Variants in TBCD observed in about 807,000 individuals in gnomAD.
The protein encoded by TBCD is tubulin-specific chaperone D.
Under a neutral mutation model 169.3 loss-of-function variants are expected in TBCD, and 105 were observed. The observed-to-expected ratio is 0.62, with a 90% CI of 0.53 to 0.73. The LOEUF (loss-of-function observed/expected upper bound fraction) is 0.73, where lower values mean the gene tolerates loss of function less well. Among genes scored for constraint, TBCD ranks in the 30% least tolerant of loss-of-function variants. TBCD has a pLI of 0.00. For missense variants in TBCD, 1,444 were observed against 1,600.1 expected, an observed-to-expected ratio of 0.90 and a Z score of 1.66; for synonymous variants, 700 against 643.9, an observed-to-expected ratio of 1.09 and a Z score of -1.32.
At chr17:82,850,269 T>C (rs1484965091) in intron 13 of TBCD, among the ~76,000 whole-genome samples, 1 of 150,162 alleles carries the variant, frequency 6.7e-6, no homozygotes, top group East Asian at 2.0e-4. Context: ...TGTGTTGTTG[T>C]TGGCTGTGCT....
At chr17:82,826,327 AC>A (rs1473156997) in intron 13 of TBCD, among the ~76,000 whole-genome samples, 2 of 152,140 alleles carry the variant, frequency 1.3e-5, no homozygotes, top group East Asian at 3.8e-4. Flanking sequence ...TACAGAGTTG[AC>A]CAAAACAACA....
At position 82,930,060 on chromosome 17, in the gene TBCD, C is replaced by T. The variant is rs779547702; in HGVS notation, c.2992-462C>T. ...AACACGTAACAGGACGTGAGGTGCC[C>T]TCTGCGCCGTGTGGGCGCGTGCGGG... On this transcript the variant is annotated intron_variant, in intron 32 of 38. Transcript: ENST00000355528. This position sits in a 1 kb window ranked among gnomAD's most constrained non-coding sequence, Gnocchi z 5.2. 7.2e-4 allele frequency: 190 copies of T among 264,032 alleles called. No individual in the cohort carries two copies. The highest frequency in any genetic ancestry group is 7.6e-4 in the Non-Finnish European group (103 of 135,418). 16.4% of individuals were successfully genotyped at this position (264,032 alleles called of 1,614,324 possible).
At chr17:82,858,583 A>C in intron 13 of TBCD, 1 of 985,456 alleles carries the variant, frequency 1.0e-6, no homozygotes. Flanking sequence ...TCTGTTGATG[A>C]CAGTGCTGTG....
chr17:82,918,032 T>C (rs988731678), intron 23 of TBCD, among the ~76,000 whole-genome samples: 19 of 152,258 alleles, frequency 1.2e-4, no homozygotes, highest in African/African-American at 4.3e-4. Flanking sequence ...AAAAATATTC[T>C]TCATTTCGAA....
At chr17:82,757,210 C>A (rs1172419901) in intron 2 of TBCD, among the ~76,000 whole-genome samples, 2 of 152,124 alleles carry the variant, frequency 1.3e-5, no homozygotes, top group Non-Finnish European at 2.9e-5. Context: ...GTTTCCTCGC[C>A]CCCCGTGGTG....
intron 13 of TBCD, among the ~76,000 whole-genome samples, chr17:82,821,679 A>G (rs999441292): frequency 6.6e-6 from 1 of 152,044 alleles, no homozygotes; most frequent in African/African-American, 2.4e-5. Flanking sequence ...ATAAAGTGTA[A>G]TGGTCTGGTG....
Position 82,914,702 on chromosome 17 carries a change from C to T in TBCD, c.2038+2913C>T, listed in dbSNP as rs114977067. Among the ~76,000 whole-genome samples the T allele has an allele frequency of 7.9e-3, 1,206 of 152,240 alleles. 15 individuals carry two copies. The highest frequency in any genetic ancestry group is 0.028 in the African/African-American group (1,151 of 41,482). On this transcript the variant is annotated intron_variant, in intron 23 of 38. Coordinates refer to ENST00000355528, the MANE Select transcript of TBCD (RefSeq NM_005993.5). The stretch of plus-strand genomic sequence containing the variant: ...CGGCGCCGGCCCTCCTTGTGCAGCT[C>T]CTTCCCCTCCATGGCCTTTGCTGGC...
rs1481053701 is a variant in TBCD, at chr17:82,929,160, T to C, written c.2741T>C (p.Ile914Thr). 2 of 1,613,464 alleles carry C rather than the reference T, an allele frequency of 1.2e-6. No homozygotes were observed. Among genetic ancestry groups the C allele is most frequent in the Non-Finnish European group, 1.7e-6 (2 of 1,179,886 alleles). ...GTGGCCCAGCAGGCCAGTGAGAAGATTGACCGTTTCCGTGCTCACGCCGCC... is the reference window on the plus strand; with the variant it reads ...GTGGCCCAGCAGGCCAGTGAGAAGACTGACCGTTTCCGTGCTCACGCCGCC... ...CCVAQQASEK[I>T]DRFRAHAASV... The change falls in exon 31 of 39, where the codon ATT (isoleucine) becomes ACT (threonine). Residue 914 changes from isoleucine (I) to threonine (T), a missense_variant. Coordinates refer to ENST00000355528, the MANE Select transcript of TBCD (RefSeq NM_005993.5).
At chr17:82,926,226 G>A (rs1372374203) in intron 27 of TBCD, among the ~76,000 whole-genome samples, 174 bp from the exon 28 acceptor site, 4 of 150,212 alleles carry the variant, frequency 2.7e-5, no homozygotes, top group African/African-American at 4.9e-5. Context: ...ACCTCTCCCC[G>A]GGTGTCCTTC....
At chr17:82,858,569 G>A in intron 13 of TBCD, 1 of 985,446 alleles carries the variant, frequency 1.0e-6, no homozygotes, top group Non-Finnish European at 1.2e-6. Flanking sequence ...AGCTGGCTGG[G>A]GCTTCTGTTG....
chr17:82,796,381 G>C (rs2050109627), intron 7 of TBCD, among the ~76,000 whole-genome samples: 1 of 152,222 alleles, frequency 6.6e-6, no homozygotes, highest in African/African-American at 2.4e-5. Context: ...ATGGGGAAGA[G>C]TTCTTAAAGT....
At chr17:82,894,173 G>A (rs2059333260) in intron 17 of TBCD, among the ~76,000 whole-genome samples, 1 of 64,842 alleles carries the variant, frequency 1.5e-5, no homozygotes, top group Non-Finnish European at 3.0e-5. Flanking sequence ...TTAGAAATCA[G>A]GTTAGAAACA....
intron 2 of TBCD, among the ~76,000 whole-genome samples, chr17:82,757,746 C>G (rs1168037242): frequency 6.6e-6 from 1 of 152,040 alleles, no homozygotes; most frequent in African/African-American, 2.4e-5. Flanking sequence ...GATAGAGGTC[C>G]TTGGGAGAGG....
chr17:82,897,377 G>T (rs2059558972), intron 17 of TBCD, among the ~76,000 whole-genome samples: 1 of 151,970 alleles, frequency 6.6e-6, no homozygotes, highest in Non-Finnish European at 1.5e-5. Flanking sequence ...AATTAGTCGG[G>T]CATGGTGGCG....
chr17:82,881,192 GGTGGTGAGCTGAGAAGCGGCCCT>G (rs1249240397), intron 14 of TBCD, among the ~76,000 whole-genome samples: 3 of 152,214 alleles, frequency 2.0e-5, no homozygotes, highest in African/African-American at 7.2e-5. Context: ...CTCTCGGCCC[GGTGGTGAGCTGAGAAGCGGCCCT>G]GTGGTAGAAG....
Position 82,938,051 on chromosome 17 carries a change from TC to T in TBCD, c.3285del (p.Cys1096AlafsTer10). The T allele has an allele frequency of 5.6e-6, 9 of 1,613,064 alleles. No homozygotes were observed. Among genetic ancestry groups the T allele is most frequent in the Non-Finnish European group, 6.8e-6 (8 of 1,179,770 alleles). ...GAGCCATGTGCTGCTCCCGGCAGGT[TC>T]TGCGAGATGGTGCAGTTCCCCGGCG... ...IQKLLSGIAVFCEMVQFPGDV... is the reference protein window; with the variant it reads ...IQKLLSGIAVXCEMVQFPGDV... On this transcript the variant is annotated frameshift_variant, in exon 36 of 39. Transcript: ENST00000355528. LOFTEE classifies it high-confidence loss of function.
At position 82,920,531 on chromosome 17, in the gene TBCD, C is replaced by T. The variant is rs1282352506; in HGVS notation, c.2039-25C>T. 6.6e-7 allele frequency: 1 copy of T among 1,508,948 alleles called. No homozygotes were observed. The highest frequency in any genetic ancestry group is 2.5e-5 in the East Asian group (1 of 40,702). 93.5% of individuals were successfully genotyped at this position (1,508,948 alleles called of 1,614,324 possible). ...CGCTTTTAGAAAAGTAACATTGCGT[C>T]TATCCTTTTTTTTTTTTTTTCCAGT... On this transcript the variant is annotated intron_variant, in intron 23 of 38. Coordinates refer to ENST00000355528, the MANE Select transcript of TBCD (RefSeq NM_005993.5). This position sits in a 1 kb window ranked among gnomAD's most constrained non-coding sequence, Gnocchi z 4.1.
chr17:82,929,316 G>A lies in TBCD; in HGVS notation c.2852+45G>A, dbSNP rs780603279. 1.2e-4 allele frequency: 188 copies of A among 1,610,372 alleles called. 1 individual carries two copies. The highest frequency in any genetic ancestry group is 1.5e-4 in the Non-Finnish European group (171 of 1,177,276). ...CCCCCGTGCTGGCCCCGCAGCCATG[G>A]CGAGATCATTGGCAGCCCGGCCTTG... On this transcript the variant is annotated intron_variant, in intron 31 of 38. Transcript: ENST00000355528.
chr17:82,782,076 A>T lies in TBCD; in HGVS notation c.771+355A>T, dbSNP rs4789841. Among the ~76,000 whole-genome samples the T allele has an allele frequency of 0.058, 8,887 of 152,274 alleles. 341 individuals carry two copies. Among genetic ancestry groups the T allele is most frequent in the Non-Finnish European group, 0.083 (5,622 of 68,002 alleles). On this transcript the variant is annotated intron_variant, in intron 7 of 38. Transcript: ENST00000355528. The surrounding 1 kb of genome is among the most constrained non-coding windows in gnomAD (Gnocchi z 5.1). ...GAGCTCTAATAAAACAAGGTGGGTG[A>T]GTTGAAATTTGATTCTGTTCCTTTG...
Sources: gnomAD v4.1 joint callset for allele counts (sites outside exome capture counted in the v4.1 genomes callset) on GRCh38, gnomAD v4.1.1 for gene constraint, Gnocchi (gnomAD v3.1) non-coding constraint, MANE v1.5 for transcripts, NCBI Gene and HGNC (gene_info 2026-07-23, HGNC 2026-07-21) for gene names.